KAZN: variants seen among roughly 807,000 people sequenced by gnomAD.
KAZN encodes the protein kazrin, periplakin interacting protein.
In KAZN, 40 loss-of-function variants were observed where a neutral mutation model predicts 87.4. The observed-to-expected ratio is 0.46, with a 90% CI of 0.36 to 0.60. KAZN has a LOEUF of 0.60. Ranked by LOEUF, KAZN falls within the 20% of genes least tolerant of loss-of-function variation. KAZN has a pLI of 0.00. For synonymous variants in KAZN, 466 were observed against 458.3 expected, an observed-to-expected ratio of 1.02 and a Z score of -0.22; for missense variants, 898 against 1,073.9, an observed-to-expected ratio of 0.84 and a Z score of 2.29.
intron 2 of KAZN, among the ~76,000 whole-genome samples, chr1:14,432,938 G>GT (rs755394493): frequency 2.0e-5 from 3 of 152,150 alleles, no homozygotes; most frequent in East Asian, 1.9e-4. Context: ...ATTCCATGGT[G>GT]TATATGTGTG....
chr1:14,000,535 T>C lies in KAZN; in HGVS notation c.91+106779T>C, dbSNP rs568702913. On this transcript the variant is annotated intron_variant, in intron 1 of 16. Coordinates refer to the KAZN transcript ENST00000636203. Reference sequence around the variant, plus strand: ...TTAAAAACTCTCAATAAACTAGGCATTGATGGAACATATCTCAAAATAATA... The same window carrying C: ...TTAAAAACTCTCAATAAACTAGGCACTGATGGAACATATCTCAAAATAATA... 1.4e-4 allele frequency among the ~76,000 whole-genome samples: 21 copies of C among 152,268 alleles called. No individual in the cohort carries two copies. In the South Asian group the frequency reaches 4.4e-3, roughly 32 times the overall value.
intron 2 of KAZN, among the ~76,000 whole-genome samples, chr1:14,518,420 G>A (rs1455279791): frequency 1.3e-5 from 2 of 151,854 alleles, no homozygotes; most frequent in South Asian, 2.1e-4. Flanking sequence ...TAGGTTATCC[G>A]CCCGCCTCAG....
intron 1 of KAZN, among the ~76,000 whole-genome samples, chr1:14,887,132 C>A (rs1270075926): frequency 6.6e-6 from 1 of 152,218 alleles, no homozygotes; most frequent in African/African-American, 2.4e-5. Flanking sequence ...AATGCTAATG[C>A]CCCTTTCCTC....
chr1:14,259,644 T>C (rs919153884), intron 2 of KAZN, among the ~76,000 whole-genome samples: 1 of 152,194 alleles, frequency 6.6e-6, no homozygotes, highest in Admixed American at 6.5e-5. Context: ...CCAGAGGAGA[T>C]GCTAGTAACC....
At chr1:14,413,450 C>T (rs1664468625) in intron 2 of KAZN, among the ~76,000 whole-genome samples, 1 of 151,716 alleles carries the variant, frequency 6.6e-6, no homozygotes, top group Non-Finnish European at 1.5e-5. Flanking sequence ...ATTAGCCGGG[C>T]GTGGTGGCGG....
intron 1 of KAZN, among the ~76,000 whole-genome samples, chr1:14,812,084 A>G (rs1156267763): frequency 6.6e-6 from 1 of 152,126 alleles, no homozygotes; most frequent in Admixed American, 6.5e-5. Context: ...GGACACCGAG[A>G]GCTGTCACAT....
At chr1:14,386,512 G>A (rs1267127290) in intron 2 of KAZN, among the ~76,000 whole-genome samples, 4 of 151,036 alleles carry the variant, frequency 2.6e-5, no homozygotes, top group African/African-American at 4.9e-5. Context: ...AGGCCTGGTG[G>A]TGACAAAATC....
intron 2 of KAZN, among the ~76,000 whole-genome samples, chr1:14,447,582 C>T (rs1461322629): frequency 6.6e-6 from 1 of 152,078 alleles, no homozygotes; most frequent in Non-Finnish European, 1.5e-5. Context: ...ATTACCTGGG[C>T]AATGTCCATC....
intron 2 of KAZN, among the ~76,000 whole-genome samples, chr1:14,392,340 T>G (rs1013861204): frequency 2.6e-5 from 4 of 152,198 alleles, no homozygotes; most frequent in African/African-American, 9.7e-5. Context: ...GCCTGCACGA[T>G]GACTCTGTAA....
chr1:14,026,270 A>G (rs545223481), intron 1 of KAZN, among the ~76,000 whole-genome samples: 11 of 152,162 alleles, frequency 7.2e-5, no homozygotes, highest in South Asian at 4.1e-4. Flanking sequence ...GGCTGGCAAC[A>G]GTGAGTGGCA....
rs1229111445 is a variant in KAZN at position 13,904,021 on chromosome 1, G to A, written c.91+10265G>A. Among the ~76,000 whole-genome samples the A allele has an allele frequency of 1.3e-5, 2 of 152,166 alleles. 1 individual carries two copies. The highest frequency in any genetic ancestry group is 2.9e-5 in the Non-Finnish European group (2 of 68,040). Reference sequence around the variant, plus strand: ...AACCACTCCGCACAGAGACATGGTAGACTCAGAAATGTGTCAGGAAATGTG... The same window carrying A: ...AACCACTCCGCACAGAGACATGGTAAACTCAGAAATGTGTCAGGAAATGTG... On this transcript the variant is annotated intron_variant, in intron 1 of 16. Coordinates refer to the KAZN transcript ENST00000636203.
intron 1 of KAZN, among the ~76,000 whole-genome samples, chr1:14,839,448 T>C (rs1410900848): frequency 6.6e-6 from 1 of 152,132 alleles, no homozygotes; most frequent in Non-Finnish European, 1.5e-5. Flanking sequence ...TTAAGTAGCA[T>C]AATAAATGAA....
chr1:14,630,542 A>G (rs925985619), intron 1 of KAZN, among the ~76,000 whole-genome samples: 1 of 152,220 alleles, frequency 6.6e-6, no homozygotes, highest in Non-Finnish European at 1.5e-5. Flanking sequence ...ATTTTAAAAT[A>G]ATATTTTTTA....
chr1:14,290,291 C>A (rs1292204537), intron 2 of KAZN, among the ~76,000 whole-genome samples: 1 of 152,208 alleles, frequency 6.6e-6, no homozygotes. Flanking sequence ...TGGTTCCATT[C>A]TCCCCGTCAC....
intron 1 of KAZN, among the ~76,000 whole-genome samples, chr1:14,886,886 T>C (rs1169851929): frequency 6.6e-6 from 1 of 152,234 alleles, no homozygotes; most frequent in African/African-American, 2.4e-5. Flanking sequence ...GTTTATTTAG[T>C]CGTTAAGAGC....
intron 1 of KAZN, among the ~76,000 whole-genome samples, chr1:14,789,751 C>T (rs1231445240): frequency 9.2e-6 from 1 of 108,210 alleles, no homozygotes; most frequent in South Asian, 3.3e-4. Flanking sequence ...ACTCTAAGCT[C>T]CTCATTACCA....
At chr1:14,858,980 G>C (rs1229119259) in intron 1 of KAZN, among the ~76,000 whole-genome samples, 2 of 152,162 alleles carry the variant, frequency 1.3e-5, no homozygotes, top group Non-Finnish European at 2.9e-5. Flanking sequence ...GCCGAGGCGG[G>C]TGGATCACGA....
intron 1 of KAZN, among the ~76,000 whole-genome samples, chr1:14,780,305 T>A (rs1393367570): frequency 6.6e-6 from 1 of 152,190 alleles, no homozygotes; most frequent in Non-Finnish European, 1.5e-5. Context: ...CAGCCTCCCC[T>A]CTCTCTTGCT....
chr1:13,962,960 A>C (rs1192094625), intron 1 of KAZN, among the ~76,000 whole-genome samples: 1 of 152,100 alleles, frequency 6.6e-6, no homozygotes. Context: ...TGAATGGAGG[A>C]TTTGGGGGTG....
Sources: gnomAD v4.1 joint callset for allele counts (sites outside exome capture counted in the v4.1 genomes callset) on GRCh38, gnomAD v4.1.1 for gene constraint, MANE v1.5 for transcripts, NCBI Gene and HGNC (gene_info 2026-07-23, HGNC 2026-07-21) for gene names.